LYPLAL1: variants seen among roughly 807,000 people sequenced by gnomAD.
LYPLAL1 encodes lysophospholipase-like protein 1.
LYPLAL1 carries 23 observed loss-of-function variants against 19.7 expected under a neutral mutation model. The ratio of observed to expected loss-of-function variants is 1.17; its 90% confidence interval spans 0.84 to 1.65. The LOEUF (loss-of-function observed/expected upper bound fraction) is 1.65, where lower values mean the gene tolerates loss of function less well. LYPLAL1 is among the 40% of genes most tolerant of loss of function. The pLI is 0.00. For synonymous variants in LYPLAL1, 119 were observed against 96.3 expected (o/e 1.24, Z -1.38); for missense variants, 355 against 279.4 (o/e 1.27, Z -1.93).
the LYPLAL1 span, among the ~76,000 whole-genome samples, chr1:219,343,322 C>A: frequency 1.3e-5 from 2 of 152,104 alleles, no homozygotes; most frequent in Non-Finnish European, 2.9e-5. Context: ...AGAAAGTCAA[C>A]AAATTCTAAA....
chr1:219,241,304 A>G, the LYPLAL1 span, among the ~76,000 whole-genome samples: 1 of 151,310 alleles, frequency 6.6e-6, no homozygotes, highest in African/African-American at 2.4e-5. Context: ...ACATAAGACT[A>G]TGACGTGAGC....
chr1:219,197,286 A>T (rs1657682297), intron 3 of LYPLAL1, among the ~76,000 whole-genome samples: 1 of 152,210 alleles, frequency 6.6e-6, no homozygotes, highest in African/African-American at 2.4e-5. Flanking sequence ...AGACACATAG[A>T]CCAATGGAAC....
At chr1:219,227,800 T>C in the LYPLAL1 span, among the ~76,000 whole-genome samples, 2 of 152,236 alleles carry the variant, frequency 1.3e-5, no homozygotes, top group Admixed American at 6.5e-5. Context: ...TAATAACTTA[T>C]TCCGTATTGT....
At chr1:219,363,085 A>C in the LYPLAL1 span, among the ~76,000 whole-genome samples, 1 of 152,166 alleles carries the variant, frequency 6.6e-6, no homozygotes, top group African/African-American at 2.4e-5. Flanking sequence ...GGCTACACAA[A>C]CCAAACAAGC....
the LYPLAL1 span, among the ~76,000 whole-genome samples, chr1:219,357,116 A>C: frequency 6.6e-6 from 1 of 152,216 alleles, no homozygotes; most frequent in African/African-American, 2.4e-5. Flanking sequence ...AAAAAATTTC[A>C]GTTGATTTCT....
Position 219,192,950 on chromosome 1 carries a change from G to T in LYPLAL1, c.192-132G>T. 12 of 866,782 alleles carry T rather than the reference G, an allele frequency of 1.4e-5. No homozygotes were observed. In the South Asian group the frequency reaches 1.4e-4, roughly 10 times the overall value. 53.7% of individuals were successfully genotyped at this position (866,782 alleles called of 1,614,324 possible). On this transcript the variant is annotated intron_variant, in intron 2 of 4. Coordinates refer to ENST00000366928, the MANE Select transcript of LYPLAL1 (RefSeq NM_138794.5). ...ATATACATGAGAGTAGTTTTAATAT[G>T]CATTTAACTTATAAAACTTAGAAGA... is the stretch of plus-strand genomic sequence containing the variant.
At chr1:219,339,494 A>C in the LYPLAL1 span, among the ~76,000 whole-genome samples, 1 of 152,030 alleles carries the variant, frequency 6.6e-6, no homozygotes, top group African/African-American at 2.4e-5. Context: ...AAAACAAAAA[A>C]CTTTTGCATA....
chr1:219,183,819 T>C (rs1462998700), intron 2 of LYPLAL1, among the ~76,000 whole-genome samples: 1 of 151,946 alleles, frequency 6.6e-6, no homozygotes, highest in Admixed American at 6.6e-5. Context: ...GTTTGTTTAT[T>C]TATCTACTGT....
At chr1:219,322,801 G>C in the LYPLAL1 span, among the ~76,000 whole-genome samples, 1 of 152,156 alleles carries the variant, frequency 6.6e-6, no homozygotes, top group Non-Finnish European at 1.5e-5. Flanking sequence ...ATCAATGTGT[G>C]TTCAAAGTAA....
At chr1:219,439,283 A>G in the LYPLAL1 span, among the ~76,000 whole-genome samples, 1 of 152,146 alleles carries the variant, frequency 6.6e-6, no homozygotes, top group African/African-American at 2.4e-5. Flanking sequence ...TAGAGCACAG[A>G]TAACATGGAA....
At chr1:219,296,220 C>G in the LYPLAL1 span, among the ~76,000 whole-genome samples, 1 of 152,120 alleles carries the variant, frequency 6.6e-6, no homozygotes, top group Non-Finnish European at 1.5e-5. Flanking sequence ...CCCATATAAA[C>G]AGTTATTTCT....
the LYPLAL1 span, among the ~76,000 whole-genome samples, chr1:219,292,951 G>A: frequency 1.3e-5 from 2 of 152,240 alleles, no homozygotes; most frequent in East Asian, 3.9e-4. Context: ...ATGTGTTGTC[G>A]ATGTCTTGTT....
At chr1:219,224,121 G>A in the LYPLAL1 span, among the ~76,000 whole-genome samples, 1 of 152,082 alleles carries the variant, frequency 6.6e-6, no homozygotes, top group African/African-American at 2.4e-5. Flanking sequence ...TTGAGTGGGG[G>A]TGTCCATGAG....
chr1:219,352,561 T>C, the LYPLAL1 span, among the ~76,000 whole-genome samples: 1 of 152,156 alleles, frequency 6.6e-6, no homozygotes, highest in African/African-American at 2.4e-5. Context: ...CAGGATTATA[T>C]TGAGGAATAA....
the LYPLAL1 span, among the ~76,000 whole-genome samples, chr1:219,410,837 G>A: frequency 2.0e-5 from 3 of 152,228 alleles, no homozygotes; most frequent in Non-Finnish European, 4.4e-5. Flanking sequence ...CAGCAGTGCT[G>A]GCCCACCGGC....
At chr1:219,428,053 T>A in the LYPLAL1 span, among the ~76,000 whole-genome samples, 2 of 152,274 alleles carry the variant, frequency 1.3e-5, no homozygotes, top group Admixed American at 1.3e-4. Flanking sequence ...AAAGCAGATC[T>A]GAGAAAAACC....
intron 2 of LYPLAL1, among the ~76,000 whole-genome samples, chr1:219,190,188 G>A (rs1271049543): frequency 2.0e-5 from 3 of 151,296 alleles, no homozygotes; most frequent in Non-Finnish European, 4.4e-5. Flanking sequence ...GATATAGAAC[G>A]AGCACCATTC....
At chr1:219,285,995 T>C in the LYPLAL1 span, among the ~76,000 whole-genome samples, 1 of 151,968 alleles carries the variant, frequency 6.6e-6, no homozygotes, top group South Asian at 2.1e-4. Context: ...GAAATAGAAA[T>C]AGAGCTAGAG....
At chr1:219,403,992 G>A in the LYPLAL1 span, among the ~76,000 whole-genome samples, 3 of 152,128 alleles carry the variant, frequency 2.0e-5, no homozygotes, top group Admixed American at 6.5e-5. Flanking sequence ...TGATATAGTT[G>A]ATTCCTGGTG....
Sources: gnomAD v4.1 joint callset for allele counts (sites outside exome capture counted in the v4.1 genomes callset) on GRCh38, gnomAD v4.1.1 for gene constraint, MANE v1.5 for transcripts, NCBI Gene and HGNC (gene_info 2026-07-23, HGNC 2026-07-21) for gene names.